The following NME7 variants were observed in gnomAD, a reference collection of about 807,000 sequenced individuals.
NME7 encodes NME/NM23 family member 7, also known as nucleoside diphosphate kinase 7.
In NME7, 41 loss-of-function variants were observed where a neutral mutation model predicts 49.1. That is an observed-to-expected ratio of 0.83 (90% confidence interval 0.65 to 1.08). NME7 has a LOEUF of 1.08. NME7 is among the 50% of genes least tolerant of loss of function. The probability of loss-of-function intolerance (pLI) is 0.00; values close to 1 mark genes in which losing one functional copy is unlikely to be tolerated. For missense variants in NME7, 423 were observed against 463.4 expected, an observed-to-expected ratio of 0.91 and a Z score of 0.80; for synonymous variants, 139 against 150.6, an observed-to-expected ratio of 0.92 and a Z score of 0.56.
intron 10 of NME7, chr1:169,190,830 T>G (rs1298536476): frequency 1.4e-5 from 2 of 144,196 alleles, no homozygotes; most frequent in African/African-American, 9.6e-5. Flanking sequence ...TTTTTTTTTT[T>G]GAGACGGAGT....
At chr1:169,258,890 A>G (rs994319794) in intron 7 of NME7, among the ~76,000 whole-genome samples, 1 of 132,606 alleles carries the variant, frequency 7.5e-6, no homozygotes, top group Non-Finnish European at 1.8e-5. Flanking sequence ...TGGGCTCTAA[A>G]CCAGATATTC....
intron 11 of NME7, among the ~76,000 whole-genome samples, chr1:169,145,625 T>C (rs992446262): frequency 2.6e-5 from 4 of 152,158 alleles, no homozygotes; most frequent in Non-Finnish European, 4.4e-5. Flanking sequence ...ATAGTGGTAA[T>C]GACAGAATGG....
intron 1 of NME7, among the ~76,000 whole-genome samples, chr1:169,347,662 G>A (rs768588759): frequency 6.6e-6 from 1 of 152,098 alleles, no homozygotes; most frequent in African/African-American, 2.4e-5. Flanking sequence ...TGGCATAGAC[G>A]AGCAGTATCA....
chr1:169,278,592 A>AT (rs1474509380), intron 7 of NME7, among the ~76,000 whole-genome samples: 4 of 151,986 alleles, frequency 2.6e-5, no homozygotes, highest in Admixed American at 2.0e-4. Context: ...ATTCGTCGAA[A>AT]TTTTTTTCAA....
Position 169,155,224 on chromosome 1 carries a change from C to G in NME7, c.1098+14223G>C, listed in dbSNP as rs200928125. Among the ~76,000 whole-genome samples the G allele has an allele frequency of 1.0e-3, 155 of 152,132 alleles. 2 individuals are homozygous for G. In the East Asian group the frequency reaches 0.03, roughly 29 times the overall value. On this transcript the variant is annotated intron_variant, in intron 11 of 11. Transcript: ENST00000367811. ...TTTGAATAAAATTATCAATCAAAGA[C>G]TCCATAAGCATGTGTAACTTAGCCC...
In NME7 at chr1:169,203,170, A is replaced by G. The variant is rs569722366; in HGVS notation, c.990+27548T>C. On this transcript the variant is annotated intron_variant, in intron 10 of 11. Transcript: ENST00000367811. ...CTGACACATGTGCAGTAAGGGGAAC[A>G]AAGAAATATGGAGTAAGTCAAGCTA... is the stretch of plus-strand genomic sequence containing the variant. Among the ~76,000 whole-genome samples the G allele has an allele frequency of 1.6e-4, 24 of 152,268 alleles. No homozygotes were observed. In the South Asian group the frequency reaches 4.8e-3, roughly 30 times the overall value.
chr1:169,197,004 C>T (rs551507874), intron 10 of NME7, among the ~76,000 whole-genome samples: 18 of 152,062 alleles, frequency 1.2e-4, no homozygotes, highest in Middle Eastern at 3.4e-3. Context: ...GAGTACAGAA[C>T]GGGGTTAGGA....
chr1:169,218,683 T>TC (rs1553246983), intron 10 of NME7, among the ~76,000 whole-genome samples: 30 of 139,044 alleles, frequency 2.2e-4, no homozygotes, highest in Non-Finnish European at 3.6e-4. Context: ...TTTTTTTTTT[T>TC]AGTAATATAG....
intron 1 of NME7, among the ~76,000 whole-genome samples, chr1:169,347,682 A>C (rs1652996880): frequency 6.6e-6 from 1 of 152,184 alleles, no homozygotes; most frequent in Non-Finnish European, 1.5e-5. Context: ...ATTGCTAAGA[A>C]ATCTGAAAAG....
intron 4 of NME7, among the ~76,000 whole-genome samples, chr1:169,309,152 T>C (rs1047850175): frequency 1.3e-5 from 2 of 152,200 alleles, no homozygotes; most frequent in Admixed American, 1.3e-4. Context: ...AACTCCTAAT[T>C]ACTTAGACTT....
chr1:169,274,698 T>C (rs1649628829), intron 7 of NME7, among the ~76,000 whole-genome samples: 1 of 133,896 alleles, frequency 7.5e-6, no homozygotes, highest in African/African-American at 2.5e-5. Context: ...TAGCCAGTTT[T>C]CCCAGCACCA....
intron 1 of NME7, among the ~76,000 whole-genome samples, chr1:169,350,320 T>C (rs1653118577): frequency 6.9e-6 from 1 of 144,916 alleles, no homozygotes; most frequent in South Asian, 2.2e-4. Context: ...TCACTCTCCT[T>C]AGTACATTAC....
chr1:169,310,635 GT>G (rs1451982089), intron 3 of NME7: 4 of 152,344 alleles, frequency 2.6e-5, no homozygotes, highest in Non-Finnish European at 5.9e-5. Context: ...TTAAAATCAT[GT>G]TTTTCTCCAG....
intron 10 of NME7, among the ~76,000 whole-genome samples, chr1:169,181,398 CACAT>C (rs1402375508): frequency 1.1e-4 from 15 of 139,852 alleles, no homozygotes; most frequent in African/African-American, 2.9e-4. Flanking sequence ...CACACACACA[CACAT>C]ATATACACAC....
chr1:169,311,221 A>C (rs1651371802), intron 3 of NME7, among the ~76,000 whole-genome samples: 1 of 152,090 alleles, frequency 6.6e-6, no homozygotes, highest in African/African-American at 2.4e-5. Context: ...GATCGAGACC[A>C]TCCTGGCTAA....
intron 9 of NME7, among the ~76,000 whole-genome samples, chr1:169,233,433 C>T (rs753995075): frequency 6.6e-6 from 1 of 152,054 alleles, no homozygotes; most frequent in African/African-American, 2.4e-5. Flanking sequence ...AGGCTAGGAG[C>T]TGAGTGAGAC....
chr1:169,169,595 A>G (rs1571260554), intron 10 of NME7, 41 bp from the exon 11 acceptor site: 1 of 1,553,990 alleles, frequency 6.4e-7, no homozygotes, highest in Non-Finnish European at 8.9e-7. Context: ...TGTTAGTCAT[A>G]TGGTATAAAT....
chr1:169,230,581 G>C, intron 10 of NME7, 137 bp downstream of exon 10: 1 of 450,068 alleles, frequency 2.2e-6, no homozygotes. Context: ...TTTATGAAGT[G>C]CCATTTTGAA....
chr1:169,194,544 C>G (rs924094468), intron 10 of NME7, among the ~76,000 whole-genome samples: 3 of 152,126 alleles, frequency 2.0e-5, no homozygotes, highest in Non-Finnish European at 4.4e-5. Flanking sequence ...AATAACCAAC[C>G]CACTTTTTGT....
Sources: gnomAD v4.1 joint callset for allele counts (sites outside exome capture counted in the v4.1 genomes callset) on GRCh38, gnomAD v4.1.1 for gene constraint, MANE v1.5 for transcripts, NCBI Gene and HGNC (gene_info 2026-07-23, HGNC 2026-07-21) for gene names.